The following CMSS1 variants were observed in gnomAD, a reference collection of about 807,000 sequenced individuals.
CMSS1 encodes the protein protein CMSS1.
In CMSS1, 33 loss-of-function variants were observed where a neutral mutation model predicts 43.5. That is an observed-to-expected ratio of 0.76 (90% confidence interval 0.57 to 1.01). The LOEUF is 1.01. Among genes scored for constraint, CMSS1 ranks in the 50% least tolerant of loss-of-function variants. CMSS1 has a pLI of 0.00. For missense variants in CMSS1, 313 were observed against 326.4 expected, an observed-to-expected ratio of 0.96 and a Z score of 0.32; for synonymous variants, 115 against 117.2, an observed-to-expected ratio of 0.98 and a Z score of 0.12.
intron 1 of CMSS1, among the ~76,000 whole-genome samples, chr3:99,937,873 T>G (rs1707729308): frequency 6.6e-6 from 1 of 152,240 alleles, no homozygotes; most frequent in African/African-American, 2.4e-5. Flanking sequence ...GTGCTTCAGT[T>G]CATTTATCTT....
chr3:100,060,629 C>T (rs1449411953), intron 1 of CMSS1, among the ~76,000 whole-genome samples: 1 of 152,020 alleles, frequency 6.6e-6, no homozygotes, highest in African/African-American at 2.4e-5. Context: ...CTGAAGCAGA[C>T]AGATACCTTG....
intron 1 of CMSS1, among the ~76,000 whole-genome samples, chr3:100,060,515 A>C (rs932739774): frequency 4.6e-5 from 7 of 152,138 alleles, no homozygotes; most frequent in Non-Finnish European, 7.4e-5. Context: ...AAAATACATA[A>C]AAATGCTTAG....
Position 100,180,002 on chromosome 3 carries a change from C to G in CMSS1, c.*1614C>G, listed in dbSNP as rs1017254042. On this transcript the variant is annotated 3_prime_UTR_variant, in exon 10 of 10. Coordinates refer to ENST00000421999, the MANE Select transcript of CMSS1 (RefSeq NM_032359.4). The stretch of plus-strand genomic sequence containing the variant: ...CAACAGCACGTGGAAGCTGCCAAGG[C>G]TTGGGGCTTGCACCCTCTGAAGCAA... 6.6e-6 allele frequency: 1 copy of G among 152,324 alleles called. No homozygotes were observed. Among genetic ancestry groups the G allele is most frequent in the African/African-American group, 2.4e-5 (1 of 41,472 alleles). 9.4% of individuals were successfully genotyped at this position (152,324 alleles called of 1,614,324 possible).
intron 1 of CMSS1, among the ~76,000 whole-genome samples, chr3:100,074,321 A>T (rs969750822): frequency 6.6e-6 from 1 of 151,920 alleles, no homozygotes; most frequent in East Asian, 1.9e-4. Context: ...GAATCCCTAC[A>T]CTCTGGGAAC....
intron 1 of CMSS1, among the ~76,000 whole-genome samples, chr3:99,909,103 T>C (rs1231829894): frequency 6.6e-6 from 1 of 152,202 alleles, no homozygotes; most frequent in Admixed American, 6.5e-5. Flanking sequence ...AATGTTCTAG[T>C]GCAGCATTTC....
At chr3:99,928,491 C>A (rs1195613200) in intron 1 of CMSS1, among the ~76,000 whole-genome samples, 1 of 152,040 alleles carries the variant, frequency 6.6e-6, no homozygotes, top group Non-Finnish European at 1.5e-5. Context: ...AAAGTAGGGC[C>A]AGATTATGGG....
intron 1 of CMSS1, among the ~76,000 whole-genome samples, chr3:100,113,021 A>G (rs941268900): frequency 7.9e-5 from 12 of 152,190 alleles, no homozygotes; most frequent in African/African-American, 2.7e-4. Context: ...TAACTACACC[A>G]TGTTCTCCTT....
At chr3:99,938,074 T>TGTGCGC (rs1431638787) in intron 1 of CMSS1, among the ~76,000 whole-genome samples, 2 of 85,210 alleles carry the variant, frequency 2.3e-5, no homozygotes, top group African/African-American at 8.1e-5. Flanking sequence ...TGTGTGTGTG[T>TGTGCGC]GCGCGCGCGC....
intron 1 of CMSS1, among the ~76,000 whole-genome samples, chr3:100,080,982 CATGT>C (rs932500702): frequency 1.3e-5 from 2 of 152,148 alleles, no homozygotes; most frequent in African/African-American, 4.8e-5. Flanking sequence ...AAAAAGGAGT[CATGT>C]ATTTATGTCA....
Position 99,945,278 on chromosome 3 carries a change from C to G in CMSS1, c.64+127235C>G, listed in dbSNP as rs371817066. ...TCCCACTCATCGCTACGAAGGAGTGCTTTCCCCATACTCCCTCATGAGGTG... is the reference window on the plus strand; with the variant it reads ...TCCCACTCATCGCTACGAAGGAGTGGTTTCCCCATACTCCCTCATGAGGTG... On this transcript the variant is annotated intron_variant, in intron 1 of 9. Transcript: ENST00000421999. Among the ~76,000 whole-genome samples the G allele has an allele frequency of 2.0e-4, 31 of 152,332 alleles. No homozygotes were observed. The East Asian group carries it at 4.6e-3, about 23-fold the overall frequency.
chr3:100,052,353 C>G (rs2065388457), intron 1 of CMSS1, among the ~76,000 whole-genome samples: 2 of 152,222 alleles, frequency 1.3e-5, no homozygotes, highest in Non-Finnish European at 1.5e-5. Context: ...ATTCACTTCT[C>G]TGCACCAAAA....
chr3:99,937,358 A>C (rs1707711748), intron 1 of CMSS1, among the ~76,000 whole-genome samples: 1 of 152,216 alleles, frequency 6.6e-6, no homozygotes, highest in Non-Finnish European at 1.5e-5. Flanking sequence ...TTCAATAAAG[A>C]TGTTCTGTTT....
chr3:99,964,038 C>G (rs1285832757), intron 1 of CMSS1, among the ~76,000 whole-genome samples: 2 of 151,886 alleles, frequency 1.3e-5, no homozygotes, highest in African/African-American at 4.8e-5. Flanking sequence ...ATCTTCAAGC[C>G]CATGTTTGAA....
At chr3:99,963,996 C>G (rs1250486677) in intron 1 of CMSS1, among the ~76,000 whole-genome samples, 1 of 152,022 alleles carries the variant, frequency 6.6e-6, no homozygotes, top group Non-Finnish European at 1.5e-5. Context: ...CCAGGTACAA[C>G]CAAGGTGAAG....
chr3:100,164,150 T>C (rs1300018015), intron 4 of CMSS1, among the ~76,000 whole-genome samples: 1 of 152,232 alleles, frequency 6.6e-6, no homozygotes, highest in Non-Finnish European at 1.5e-5. Flanking sequence ...TAATCCACTC[T>C]TCTCAGCACA....
intron 1 of CMSS1, among the ~76,000 whole-genome samples, chr3:100,064,712 G>A (rs1046679779): frequency 1.3e-5 from 2 of 152,094 alleles, no homozygotes; most frequent in Admixed American, 6.5e-5. Flanking sequence ...ATTCATTAAG[G>A]GCATGTTGGC....
At chr3:99,907,721 A>G (rs557630263) in intron 1 of CMSS1, among the ~76,000 whole-genome samples, 22 of 152,140 alleles carry the variant, frequency 1.4e-4, no homozygotes, top group African/African-American at 5.1e-4. Flanking sequence ...GTCCACCTAT[A>G]ATGATTTTTG....
chr3:99,993,263 T>TGC (rs1709575956), intron 1 of CMSS1, among the ~76,000 whole-genome samples: 3 of 152,120 alleles, frequency 2.0e-5, no homozygotes, highest in Admixed American at 1.3e-4. Flanking sequence ...ATAATATTGA[T>TGC]TCTTCAATCT....
At chr3:99,877,289 T>C (rs1055833459) in intron 1 of CMSS1, among the ~76,000 whole-genome samples, 5 of 152,202 alleles carry the variant, frequency 3.3e-5, no homozygotes, top group African/African-American at 1.2e-4. Context: ...GATGTACATA[T>C]GTCTGTAGAA....
Sources: allele counts gnomAD v4.1 joint callset (sites outside exome capture counted in the v4.1 genomes callset), GRCh38; gene constraint gnomAD v4.1.1; transcripts MANE v1.5; gene names NCBI Gene and HGNC (gene_info 2026-07-23, HGNC 2026-07-21).